Variants in SLIT3 observed in about 807,000 individuals in gnomAD.
The protein encoded by SLIT3 is slit guidance ligand 3.
SLIT3 carries 68 observed loss-of-function variants against 184.0 expected under a neutral mutation model. That is an observed-to-expected ratio of 0.37 (90% CI 0.30 to 0.45). The LOEUF (loss-of-function observed/expected upper bound fraction) is 0.45. Among genes scored for constraint, SLIT3 ranks in the 20% least tolerant of loss-of-function variants. The probability of loss-of-function intolerance (pLI) is 1.00; values close to 1 mark genes in which losing one functional copy is unlikely to be tolerated. For missense variants in SLIT3, 1,707 were observed against 2,026.0 expected (o/e 0.84, Z 3.02); for synonymous variants, 831 against 828.6 (o/e 1.00, Z -0.05).
chr5:169,215,137 G>A (rs1359364561), intron 3 of SLIT3, among the ~76,000 whole-genome samples: 2 of 152,070 alleles, frequency 1.3e-5, no homozygotes, highest in Admixed American at 1.3e-4. Context: ...GGAAATCATC[G>A]AAATGTTTTA....
At chr5:168,749,399 G>A in intron 19 of SLIT3, 73 bp downstream of exon 19, 1 of 1,551,066 alleles carries the variant, frequency 6.4e-7, no homozygotes, top group Non-Finnish European at 8.8e-7. Flanking sequence ...GGGAGTATCT[G>A]ATTGTGCATC....
chr5:169,229,944 C>T (rs1764941839), intron 3 of SLIT3, among the ~76,000 whole-genome samples: 1 of 152,148 alleles, frequency 6.6e-6, no homozygotes, highest in Non-Finnish European at 1.5e-5. Context: ...CTCAATGAAC[C>T]TGTGCCCGCA....
chr5:169,234,572 T>G (rs1340563401), intron 3 of SLIT3, among the ~76,000 whole-genome samples: 2 of 151,356 alleles, frequency 1.3e-5, no homozygotes, highest in African/African-American at 2.4e-5. Context: ...CCTGGCTAAT[T>G]TTTTTTTTAT....
intron 4 of SLIT3, among the ~76,000 whole-genome samples, chr5:169,066,190 G>C (rs1054530387): frequency 3.9e-5 from 6 of 152,214 alleles, no homozygotes; most frequent in Admixed American, 3.9e-4. Context: ...TATTCTGACT[G>C]CAGTGGTACC....
At chr5:168,723,363 T>C (rs1052695156) in intron 21 of SLIT3, among the ~76,000 whole-genome samples, 1 of 145,040 alleles carries the variant, frequency 6.9e-6, no homozygotes, top group African/African-American at 2.5e-5. Context: ...CACCCACTTA[T>C]CTACTCACTC....
At chr5:169,196,128 A>G (rs775737833) in intron 3 of SLIT3, among the ~76,000 whole-genome samples, 31 of 151,100 alleles carry the variant, frequency 2.1e-4, no homozygotes, top group Non-Finnish European at 3.8e-4. Context: ...CACTGCCAGT[A>G]TCTGCTTTTT....
At chr5:168,908,631 C>T (rs1369593634) in intron 4 of SLIT3, among the ~76,000 whole-genome samples, 1 of 152,120 alleles carries the variant, frequency 6.6e-6, no homozygotes, top group Non-Finnish European at 1.5e-5. Context: ...TTTGGAACAC[C>T]TATAATCAGG....
chr5:169,251,572 G>T, intron 1 of SLIT3, 113 bp from the exon 2 acceptor site: 1 of 731,954 alleles, frequency 1.4e-6, no homozygotes. Context: ...CGGCAATTCT[G>T]ATGATTAACG....
Position 168,671,289 on chromosome 5 carries a change from C to T in SLIT3, c.4036G>A (p.Val1346Met), listed in dbSNP as rs746296663. 19 of 1,613,744 alleles carry T rather than the reference C, an allele frequency of 1.2e-5. No homozygotes were observed. Among genetic ancestry groups the T allele is most frequent in the Admixed American group, 1.0e-4 (6 of 59,994 alleles). Reference sequence around the variant, plus strand: ...TCGCACACCACGCTGTCCTTCTCCACGGAGCGGCACAGGCCGTGCTTGCAC... The same window carrying T: ...TCGCACACCACGCTGTCCTTCTCCATGGAGCGGCACAGGCCGTGCTTGCAC... ...TVCKHGLCRSVEKDSVVCECR... is the reference protein window; with the variant it reads ...TVCKHGLCRSMEKDSVVCECR... The change falls in exon 34 of 36, where the codon GTG (valine) becomes ATG (methionine). Residue 1346 changes from valine to methionine, a missense_variant. By Grantham distance (21) the Val-to-Met change is conservative. Coordinates refer to ENST00000519560, the MANE Select transcript of SLIT3 (RefSeq NM_003062.4).
At chr5:168,855,602 A>C (rs1758834762) in intron 5 of SLIT3, among the ~76,000 whole-genome samples, 1 of 152,360 alleles carries the variant, frequency 6.6e-6, no homozygotes, top group African/African-American at 2.4e-5. Flanking sequence ...CATTACGCTA[A>C]GTGAAAGAAG....
At chr5:169,015,440 T>G (rs914635231) in intron 4 of SLIT3, among the ~76,000 whole-genome samples, 5 of 152,350 alleles carry the variant, frequency 3.3e-5, no homozygotes, top group Admixed American at 6.5e-5. Flanking sequence ...TTGACCAATA[T>G]GCATGCATTT....
intron 4 of SLIT3, among the ~76,000 whole-genome samples, chr5:169,104,632 C>T (rs376930672): frequency 4.6e-5 from 7 of 152,116 alleles, no homozygotes; most frequent in African/African-American, 1.7e-4. Flanking sequence ...AAGCCTCCAG[C>T]CTTATCATCT....
chr5:168,788,992 C>T (rs563564749), intron 11 of SLIT3, among the ~76,000 whole-genome samples: 26 of 152,138 alleles, frequency 1.7e-4, no homozygotes, highest in South Asian at 4.2e-4. Context: ...ACCTTCCTGC[C>T]GGCAGGGGTC....
chr5:168,697,341 C>T (rs945680248), intron 27 of SLIT3, among the ~76,000 whole-genome samples: 7 of 152,196 alleles, frequency 4.6e-5, no homozygotes, highest in Non-Finnish European at 1.0e-4. Flanking sequence ...CCTCAACTGC[C>T]TGCATCTCTG....
At chr5:168,955,198 A>G (rs757830611) in intron 4 of SLIT3, among the ~76,000 whole-genome samples, 1 of 152,228 alleles carries the variant, frequency 6.6e-6, no homozygotes, top group Non-Finnish European at 1.5e-5. Flanking sequence ...GACATTGTCA[A>G]TGGTGGTCTG....
intron 4 of SLIT3, among the ~76,000 whole-genome samples, chr5:168,894,246 T>C (rs1230797963): frequency 6.6e-6 from 1 of 152,184 alleles, no homozygotes; most frequent in Non-Finnish European, 1.5e-5. Context: ...ATGCCGACTA[T>C]GGGGAGGTTG....
At chr5:169,129,368 A>G (rs980210903) in intron 4 of SLIT3, among the ~76,000 whole-genome samples, 1 of 152,192 alleles carries the variant, frequency 6.6e-6, no homozygotes, top group African/African-American at 2.4e-5. Flanking sequence ...CCTGGCCAAC[A>G]TGGTGAAACC....
intron 4 of SLIT3, among the ~76,000 whole-genome samples, chr5:169,162,237 T>C (rs994838426): frequency 1.3e-5 from 2 of 152,096 alleles, no homozygotes; most frequent in African/African-American, 2.4e-5. Flanking sequence ...GGGATCTTGG[T>C]AGATGTGCAA....
chr5:169,283,239 CT>C (rs1295479698), intron 1 of SLIT3, among the ~76,000 whole-genome samples: 1 of 152,176 alleles, frequency 6.6e-6, no homozygotes, highest in African/African-American at 2.4e-5. Flanking sequence ...TGGTTGCAAT[CT>C]TATGAACTTG....
Sources: gnomAD v4.1 joint callset for allele counts (sites outside exome capture counted in the v4.1 genomes callset) on GRCh38, gnomAD v4.1.1 for gene constraint, MANE v1.5 for transcripts, NCBI Gene and HGNC (gene_info 2026-07-23, HGNC 2026-07-21) for gene names.